Variants in PCBP3 observed in about 807,000 individuals in gnomAD.
PCBP3 encodes poly(rC)-binding protein 3.
A neutral mutation model predicts 52.7 loss-of-function variants in PCBP3; 25 were observed. That is an observed-to-expected ratio of 0.47 (90% confidence interval 0.35 to 0.66). PCBP3 has a LOEUF of 0.66. Among genes scored for constraint, PCBP3 ranks in the 30% least tolerant of loss-of-function variants. The pLI is 0.01. For missense variants in PCBP3, 391 were observed against 490.3 expected, an observed-to-expected ratio of 0.80 and a Z score of 1.91; for synonymous variants, 162 against 183.0, an observed-to-expected ratio of 0.89 and a Z score of 0.93.
At chr21:45,752,578 T>C (rs1479957410) in intron 3 of PCBP3, among the ~76,000 whole-genome samples, 1 of 152,082 alleles carries the variant, frequency 6.6e-6, no homozygotes, top group Non-Finnish European at 1.5e-5. Context: ...GAAGTATTTC[T>C]CAATTCCAAA....
Position 45,929,929 on chromosome 21 carries a change from C to T in PCBP3, c.730C>T (p.Leu244Phe). Residue 244 changes from leucine to phenylalanine, a missense_variant, in exon 14 of 18, where the codon CTC (leucine) becomes TTC (phenylalanine). Leu to Phe is a conservative substitution (Grantham distance 22). Transcript: ENST00000681687. Reference protein sequence around the residue: ...AIPHPDQLTKLHQLAMQQTPF... With the variant: ...AIPHPDQLTKFHQLAMQQTPF... ...CCTCCTACCCCAGCAGTTGACCAAG[C>T]TCCACCAGTTGGCCATGCAGCAAAC... The T allele has an allele frequency of 6.2e-7, 1 of 1,613,768 alleles. No homozygotes were observed. The highest frequency in any genetic ancestry group is 1.1e-5 in the South Asian group (1 of 91,068).
intron 3 of PCBP3, among the ~76,000 whole-genome samples, chr21:45,739,853 C>G (rs1373012969): frequency 6.6e-6 from 1 of 152,250 alleles, no homozygotes; most frequent in Non-Finnish European, 1.5e-5. Context: ...GTCACACACA[C>G]TCTCTTCGCT....
chr21:45,900,432 C>T (rs2096001078), intron 7 of PCBP3, among the ~76,000 whole-genome samples, 159 bp from the exon 8 acceptor site: 1 of 152,164 alleles, frequency 6.6e-6, no homozygotes, highest in African/African-American at 2.4e-5. Flanking sequence ...GGCATGGAGC[C>T]TGGCCTTCTT....
chr21:45,693,977 G>A (rs2082628621), intron 2 of PCBP3, among the ~76,000 whole-genome samples: 1 of 152,116 alleles, frequency 6.6e-6, no homozygotes, highest in African/African-American at 2.4e-5. Flanking sequence ...AGGGGATAAA[G>A]GGAGTTAAAC....
chr21:45,778,357 G>A (rs1419183796), intron 4 of PCBP3, among the ~76,000 whole-genome samples: 2 of 152,130 alleles, frequency 1.3e-5, no homozygotes, highest in African/African-American at 4.8e-5. Context: ...GGCATATCCT[G>A]GCACCTATGC....
rs185137622 is a variant in PCBP3 at position 45,646,512 on chromosome 21, G to A, written c.-279+2644G>A. On this transcript the variant is annotated intron_variant, in intron 1 of 17. Transcript: ENST00000681687. ...TACCTGAAACTAGGTAATTTACAAA[G>A]CAAAGGAATTTATTTCTTATAGTCA... is the stretch of plus-strand genomic sequence containing the variant. Among the ~76,000 whole-genome samples, 16 of 152,282 alleles carry A rather than the reference G, an allele frequency of 1.1e-4. No homozygotes were observed. In the East Asian group the frequency reaches 3.1e-3, roughly 29 times the overall value.
chr21:45,792,461 T>G (rs775027671), intron 4 of PCBP3, among the ~76,000 whole-genome samples: 2 of 152,064 alleles, frequency 1.3e-5, no homozygotes, highest in African/African-American at 2.4e-5. Context: ...TTAAATAGAG[T>G]TTTCTTTTTT....
intron 5 of PCBP3, among the ~76,000 whole-genome samples, chr21:45,890,749 C>G (rs58573627): frequency 2.7e-5 from 4 of 150,524 alleles, no homozygotes; most frequent in Non-Finnish European, 1.5e-5. Flanking sequence ...ATAATAGAAC[C>G]TGGAACTCTG....
chr21:45,848,487 G>A (rs1234465508), intron 4 of PCBP3: 1 of 152,302 alleles, frequency 6.6e-6, no homozygotes, highest in African/African-American at 2.4e-5. Flanking sequence ...ATTTGATTTA[G>A]TTCTAGGGAG....
intron 5 of PCBP3, among the ~76,000 whole-genome samples, chr21:45,865,207 C>T (rs1437288163): frequency 1.3e-5 from 2 of 152,194 alleles, no homozygotes; most frequent in South Asian, 2.1e-4. Flanking sequence ...CTCCACCTGA[C>T]GTGTATCCCA....
chr21:45,880,885 C>T lies in PCBP3; in HGVS notation c.11-15323C>T, dbSNP rs527579024. The stretch of plus-strand genomic sequence containing the variant: ...TAGGTGCTGGGCTCTGGACGGGAGG[C>T]TCAGGGCCGGGGTTAAACAGCACAG... On this transcript the variant is annotated intron_variant, in intron 5 of 17. Coordinates refer to ENST00000681687, the MANE Select transcript of PCBP3 (RefSeq NM_001384156.1). This position sits in a 1 kb window ranked among gnomAD's most constrained non-coding sequence, Gnocchi z 5.4. 6.6e-6 allele frequency among the ~76,000 whole-genome samples: 1 copy of T among 152,302 alleles called. No individual in the cohort carries two copies. Among genetic ancestry groups the T allele is most frequent in the East Asian group, 1.9e-4 (1 of 5,178 alleles).
chr21:45,804,856 G>C (rs1273881723), intron 4 of PCBP3, among the ~76,000 whole-genome samples: 2 of 152,196 alleles, frequency 1.3e-5, no homozygotes, highest in Admixed American at 6.5e-5. Flanking sequence ...GCCCCCGAGA[G>C]AGGCAGCACA....
Position 45,928,653 on chromosome 21 carries a change from C to T in PCBP3, c.718-1264C>T, listed in dbSNP as rs1205390630. 6.6e-6 allele frequency among the ~76,000 whole-genome samples: 1 copy of T among 152,190 alleles called. No individual in the cohort carries two copies. The highest frequency in any genetic ancestry group is 2.4e-5 in the African/African-American group (1 of 41,444). On this transcript the variant is annotated intron_variant, in intron 13 of 17. Coordinates refer to ENST00000681687, the MANE Select transcript of PCBP3 (RefSeq NM_001384156.1). This position sits in a 1 kb window ranked among gnomAD's most constrained non-coding sequence, Gnocchi z 4.1. The stretch of plus-strand genomic sequence containing the variant: ...AGGTGCTCAGCAGCCGGCCTTCTCA[C>T]GTGCAGATGGCAGCTCTGCTCCGAG...
At position 45,935,222 on chromosome 21, in the gene PCBP3, C is replaced by T; in HGVS notation, c.857-31C>T. The T allele has an allele frequency of 1.3e-6, 2 of 1,566,648 alleles. 1 individual carries two copies. Among genetic ancestry groups the T allele is most frequent in the South Asian group, 2.2e-5 (2 of 89,848 alleles). On this transcript the variant is annotated intron_variant, in intron 15 of 17. Transcript: ENST00000681687. ...AGTGTGACTGTTAGCAGCCTTCCAC[C>T]AGCCTAACCATGTCCCCTTGGTATA...
intron 2 of PCBP3, among the ~76,000 whole-genome samples, chr21:45,693,800 T>A (rs960711256): frequency 2.6e-5 from 4 of 152,134 alleles, no homozygotes; most frequent in Admixed American, 2.6e-4. Flanking sequence ...TTTAGCAAGT[T>A]CTTTAGGTTG....
chr21:45,927,552 G>A (rs1003783259), intron 13 of PCBP3, among the ~76,000 whole-genome samples: 6 of 150,718 alleles, frequency 4.0e-5, no homozygotes, highest in Admixed American at 6.6e-5. Flanking sequence ...GACTGATCCC[G>A]GGCAGAGCTA....
At chr21:45,822,407 C>T (rs574272097) in intron 4 of PCBP3, among the ~76,000 whole-genome samples, 4 of 152,334 alleles carry the variant, frequency 2.6e-5, no homozygotes, top group Non-Finnish European at 5.9e-5. Flanking sequence ...TCAACCATAG[C>T]AAGAACTGAT....
In PCBP3 at chr21:45,850,052, T is replaced by A; in HGVS notation, c.-34T>A. The A allele has an allele frequency of 6.5e-7, 1 of 1,542,398 alleles. No individual in the cohort carries two copies. Among genetic ancestry groups the A allele is most frequent in the East Asian group, 2.4e-5 (1 of 40,886 alleles). On this transcript the variant is annotated 5_prime_UTR_variant, in exon 5 of 18. Transcript: ENST00000681687. ...GTTCAATACGTCTGAACCTTTGCTG[T>A]CTATGGATCTGCTCTAAACCTTATA...
chr21:45,865,637 C>T (rs1218724669), intron 5 of PCBP3, among the ~76,000 whole-genome samples: 1 of 152,200 alleles, frequency 6.6e-6, no homozygotes, highest in Admixed American at 6.5e-5. Context: ...GGTCCTGACT[C>T]ATTTGGGAAC....
Sources: allele counts gnomAD v4.1 joint callset (sites outside exome capture counted in the v4.1 genomes callset), GRCh38; gene constraint gnomAD v4.1.1; non-coding constraint Gnocchi (gnomAD v3.1); transcripts MANE v1.5; gene names NCBI Gene and HGNC (gene_info 2026-07-23, HGNC 2026-07-21).